Variants in GRIN2A observed in about 807,000 individuals in gnomAD.
GRIN2A encodes the protein glutamate ionotropic receptor NMDA type subunit 2A.
GRIN2A carries 22 observed loss-of-function variants against 113.4 expected under a neutral mutation model. That is an observed-to-expected ratio of 0.19 (90% CI 0.14 to 0.28). The LOEUF (loss-of-function observed/expected upper bound fraction) is 0.28. GRIN2A is among the 10% of genes least tolerant of loss of function. The pLI, the probability that GRIN2A is intolerant of heterozygous loss-of-function variation, is 1.00. For synonymous variants in GRIN2A, 827 were observed against 738.4 expected (o/e 1.12, Z -1.94); for missense variants, 1,502 against 1,887.0 (o/e 0.80, Z 3.78).
At chr16:10,069,405 C>T (rs1053155020) in intron 2 of GRIN2A, among the ~76,000 whole-genome samples, 3 of 152,322 alleles carry the variant, frequency 2.0e-5, no homozygotes, top group South Asian at 2.1e-4. Context: ...GACCATCACA[C>T]GATTTGAGGT....
intron 4 of GRIN2A, among the ~76,000 whole-genome samples, chr16:9,852,355 A>C: frequency 6.6e-6 from 1 of 152,224 alleles, no homozygotes. Context: ...TAAAGTCCCA[A>C]GATAATGTAA....
chr16:9,930,749 A>T (rs553659452), intron 3 of GRIN2A, among the ~76,000 whole-genome samples: 6 of 152,242 alleles, frequency 3.9e-5, no homozygotes, highest in Non-Finnish European at 7.3e-5. Context: ...AACAGTGATC[A>T]TTCTGATTAC....
intron 3 of GRIN2A, among the ~76,000 whole-genome samples, chr16:9,925,853 C>A (rs926557162): frequency 2.0e-5 from 3 of 152,156 alleles, no homozygotes. Context: ...TTAGAATTTA[C>A]AAACCCCAAA....
intron 2 of GRIN2A, among the ~76,000 whole-genome samples, chr16:9,939,460 T>C (rs1007521830): frequency 3.3e-5 from 5 of 152,184 alleles, no homozygotes; most frequent in Non-Finnish European, 7.3e-5. Context: ...GAAAGTGGCA[T>C]GGTAACTTAT....
chr16:9,959,572 G>C (rs2045388740), intron 2 of GRIN2A, among the ~76,000 whole-genome samples: 1 of 152,198 alleles, frequency 6.6e-6, no homozygotes, highest in South Asian at 2.1e-4. Flanking sequence ...TTTATTCCAG[G>C]AGTCGCCGTT....
chr16:10,043,927 G>C (rs2047210133), intron 2 of GRIN2A, among the ~76,000 whole-genome samples: 1 of 148,794 alleles, frequency 6.7e-6, no homozygotes, highest in African/African-American at 2.5e-5. Context: ...GTATAAATAT[G>C]TGTGTATATA....
chr16:9,941,126 G>A (rs1438495637), intron 2 of GRIN2A, among the ~76,000 whole-genome samples: 2 of 152,170 alleles, frequency 1.3e-5, no homozygotes, highest in Non-Finnish European at 2.9e-5. Flanking sequence ...AATACAGAAA[G>A]CTCTCAACAA....
At chr16:9,850,077 T>C in intron 4 of GRIN2A, 116 bp from the exon 5 acceptor site, 1 of 821,064 alleles carries the variant, frequency 1.2e-6, no homozygotes, top group Non-Finnish European at 2.1e-6. Flanking sequence ...CTGCCACATA[T>C]CTCAACATAT....
intron 2 of GRIN2A, among the ~76,000 whole-genome samples, chr16:10,030,621 T>C (rs542091812): frequency 6.6e-6 from 1 of 152,346 alleles, no homozygotes; most frequent in East Asian, 1.9e-4. Flanking sequence ...CATTCTCTCT[T>C]AAGCTCAAGA....
intron 2 of GRIN2A, among the ~76,000 whole-genome samples, chr16:10,050,356 G>A (rs562293851): frequency 2.4e-4 from 37 of 152,238 alleles, no homozygotes; most frequent in Middle Eastern, 3.4e-3. Flanking sequence ...GGAGGTGAGC[G>A]GCAGGTGAGC....
At chr16:10,045,402 C>T (rs1201614668) in intron 2 of GRIN2A, among the ~76,000 whole-genome samples, 1 of 124,644 alleles carries the variant, frequency 8.0e-6, no homozygotes, top group Non-Finnish European at 1.6e-5. Flanking sequence ...CTCTCTCAGG[C>T]CTCTTGCAAA....
chr16:10,144,795 C>T (rs2049400367), intron 2 of GRIN2A, among the ~76,000 whole-genome samples: 2 of 151,542 alleles, frequency 1.3e-5, no homozygotes, highest in Non-Finnish European at 2.9e-5. Context: ...GTGGCACACC[C>T]CTGTAATCCC....
rs553278737 is a variant in GRIN2A, at chr16:9,953,948, GCTT to G, written c.415-15400_415-15398del. Among the ~76,000 whole-genome samples, 481 of 152,258 alleles carry G rather than the reference GCTT, an allele frequency of 3.2e-3. 2 individuals are homozygous for G. The highest frequency in any genetic ancestry group is 5.1e-3 in the Non-Finnish European group (349 of 68,022). On this transcript the variant is annotated intron_variant, in intron 2 of 12. Coordinates refer to ENST00000330684, the MANE Select transcript of GRIN2A (RefSeq NM_001134407.3). ...TTCCAACACTTTCCAACTGCCCCAT[GCTT>G]CTTCTCAAACACAACAGTATTTTAG...
intron 2 of GRIN2A, among the ~76,000 whole-genome samples, chr16:10,129,375 A>T (rs917924973): frequency 1.7e-3 from 7 of 4,014 alleles, no homozygotes; most frequent in African/African-American, 2.6e-3. Flanking sequence ...GTTTGATTAA[A>T]AAAAAAACAA....
chr16:9,879,974 G>A (rs2043444872), intron 4 of GRIN2A, among the ~76,000 whole-genome samples: 1 of 152,098 alleles, frequency 6.6e-6, no homozygotes, highest in Non-Finnish European at 1.5e-5. Context: ...TCCTTCAAAA[G>A]ATTTGTACTA....
chr16:10,118,781 C>T (rs145367095), intron 2 of GRIN2A, among the ~76,000 whole-genome samples: 1 of 152,268 alleles, frequency 6.6e-6, no homozygotes, highest in East Asian at 1.9e-4. Flanking sequence ...ATTTTCATAA[C>T]CAGAGACTGT....
intron 5 of GRIN2A, among the ~76,000 whole-genome samples, chr16:9,841,622 G>T (rs968314866): frequency 2.0e-5 from 3 of 152,108 alleles, no homozygotes; most frequent in African/African-American, 7.2e-5. Context: ...AGAAGTGAAG[G>T]TACCCAGACA....
At chr16:10,158,282 G>A (rs1295520803) in intron 2 of GRIN2A, among the ~76,000 whole-genome samples, 1 of 152,194 alleles carries the variant, frequency 6.6e-6, no homozygotes, top group Non-Finnish European at 1.5e-5. Flanking sequence ...TAGGATTACA[G>A]GCGTGAGCCA....
intron 4 of GRIN2A, 56 bp downstream of exon 4, chr16:9,890,930 T>G: frequency 9.1e-7 from 1 of 1,095,734 alleles, no homozygotes. Flanking sequence ...TGTGAGCCCC[T>G]TTATTGCCCA....
Sources: allele counts gnomAD v4.1 joint callset (sites outside exome capture counted in the v4.1 genomes callset), GRCh38; gene constraint gnomAD v4.1.1; transcripts MANE v1.5; gene names NCBI Gene and HGNC (gene_info 2026-07-23, HGNC 2026-07-21).